The following ZCCHC17 variants were observed in gnomAD, a reference collection of about 807,000 sequenced individuals.
ZCCHC17 encodes zinc finger CCHC-type containing 17.
A neutral mutation model predicts 30.6 loss-of-function variants in ZCCHC17; 18 were observed. The observed-to-expected ratio is 0.59, with a 90% CI of 0.41 to 0.87. The LOEUF is 0.87. Ranked by LOEUF, ZCCHC17 falls within the 40% of genes least tolerant of loss-of-function variation. The pLI is 0.00. For synonymous variants in ZCCHC17, 88 were observed against 92.4 expected (o/e 0.95, Z 0.27); for missense variants, 263 against 284.2 (o/e 0.93, Z 0.54).
chr1:31,319,144 A>G lies in ZCCHC17; in HGVS notation c.102A>G (p.Lys34=). 1 of 1,610,128 alleles carries G rather than the reference A, an allele frequency of 6.2e-7. No individual in the cohort carries two copies. ...TGACAGACTATGGGGCCTTTATCAA[A>G]ATCCCAGGCTGTCGGAAGCAAGGTA... is the stretch of plus-strand genomic sequence containing the variant. The part of the protein sequence containing the change: ...AMVTDYGAFI[K]IPGCRKQGLV... Residue 34 remains lysine (K), a synonymous_variant, in exon 3 of 8, where the codon AAA becomes AAG. Transcript: ENST00000344147.
chr1:31,307,824 C>T (rs1187588158), intron 1 of ZCCHC17, among the ~76,000 whole-genome samples: 2 of 152,048 alleles, frequency 1.3e-5, no homozygotes, highest in African/African-American at 2.4e-5. Context: ...ATCCACCCGC[C>T]TTGGCCTCCC....
chr1:31,353,340 A>G (rs1639535395), intron 7 of ZCCHC17, among the ~76,000 whole-genome samples: 1 of 152,054 alleles, frequency 6.6e-6, no homozygotes, highest in African/African-American at 2.4e-5. Flanking sequence ...TACTCTGTTG[A>G]TAGTGTCCCT....
chr1:31,345,332 A>C (rs1229338492), intron 5 of ZCCHC17, among the ~76,000 whole-genome samples: 3 of 150,340 alleles, frequency 2.0e-5, no homozygotes, highest in Non-Finnish European at 4.4e-5. Context: ...AATTTTTTGT[A>C]TTTTTAGTAG....
intron 7 of ZCCHC17, among the ~76,000 whole-genome samples, chr1:31,349,730 T>C (rs1379920539): frequency 6.6e-6 from 1 of 152,262 alleles, no homozygotes; most frequent in African/African-American, 2.4e-5. Flanking sequence ...TACCTTTTTT[T>C]CATTTCACTT....
chr1:31,324,088 T>C (rs1236920922), intron 3 of ZCCHC17, among the ~76,000 whole-genome samples: 1 of 152,234 alleles, frequency 6.6e-6, no homozygotes, highest in African/African-American at 2.4e-5. Context: ...TAAAACATCA[T>C]TGATTATGAG....
intron 7 of ZCCHC17, among the ~76,000 whole-genome samples, chr1:31,357,929 A>G (rs753356131): frequency 1.5e-4 from 23 of 152,048 alleles, no homozygotes; most frequent in Non-Finnish European, 2.5e-4. Context: ...CTGATTTTCT[A>G]TTTTTAGTAG....
chr1:31,310,809 A>C (rs1448657056), intron 2 of ZCCHC17, among the ~76,000 whole-genome samples: 1 of 152,234 alleles, frequency 6.6e-6, no homozygotes, highest in Non-Finnish European at 1.5e-5. Flanking sequence ...CACCTCAACA[A>C]ATAGAACCAC....
intron 3 of ZCCHC17, among the ~76,000 whole-genome samples, chr1:31,335,560 T>G (rs890509586): frequency 2.0e-5 from 3 of 152,130 alleles, no homozygotes; most frequent in Non-Finnish European, 4.4e-5. Context: ...GTAATTTTTC[T>G]AGAGATGGGG....
chr1:31,319,561 TATATA>T (rs747753406), intron 3 of ZCCHC17, among the ~76,000 whole-genome samples: 14 of 152,226 alleles, frequency 9.2e-5, no homozygotes, highest in African/African-American at 1.7e-4. Context: ...GATACAAACA[TATATA>T]ATATATATAA....
chr1:31,346,573 C>A, intron 5 of ZCCHC17, 67 bp from the exon 6 acceptor site: 4 of 1,499,740 alleles, frequency 2.7e-6, no homozygotes, highest in Non-Finnish European at 3.6e-6. Flanking sequence ...AACATACAAC[C>A]TTACCTTGTA....
At chr1:31,317,013 T>A (rs1311224361) in intron 2 of ZCCHC17, among the ~76,000 whole-genome samples, 3 of 148,466 alleles carry the variant, frequency 2.0e-5, no homozygotes, top group Non-Finnish European at 4.4e-5. Context: ...GTTCTATCCC[T>A]AACTTTTTTT....
chr1:31,345,496 T>A (rs993607950), intron 5 of ZCCHC17, among the ~76,000 whole-genome samples: 1 of 82,578 alleles, frequency 1.2e-5, no homozygotes, highest in African/African-American at 4.7e-5. Context: ...GTTACTTTGG[T>A]ATGTTCAAAT....
In ZCCHC17 at chr1:31,319,073, G is replaced by A. The variant is rs757951390; in HGVS notation, c.67-36G>A. ...AATGCTACAGAAGAAAGATTCTCAT[G>A]TATGTGACATTGATTTTTTTCCCCC... On this transcript the variant is annotated intron_variant, in intron 2 of 7. Coordinates refer to ENST00000344147, the MANE Select transcript of ZCCHC17 (RefSeq NM_016505.4). 63 of 1,593,652 alleles carry A rather than the reference G, an allele frequency of 4.0e-5. No individual in the cohort carries two copies. The Admixed American group carries it at 1.1e-3, about 27-fold the overall frequency.
At chr1:31,302,816 CTG>C (rs1344540665) in intron 1 of ZCCHC17, among the ~76,000 whole-genome samples, 1 of 152,070 alleles carries the variant, frequency 6.6e-6, no homozygotes, top group Non-Finnish European at 1.5e-5. Flanking sequence ...CGTGAAAACT[CTG>C]TCACTATCAT....
At chr1:31,341,290 G>A (rs908787369) in intron 5 of ZCCHC17, among the ~76,000 whole-genome samples, 2 of 152,146 alleles carry the variant, frequency 1.3e-5, no homozygotes, top group Non-Finnish European at 2.9e-5. Flanking sequence ...GTTTAAATCT[G>A]GCTGTGGTTC....
At chr1:31,320,116 C>T (rs941422018) in intron 3 of ZCCHC17, among the ~76,000 whole-genome samples, 14 of 152,094 alleles carry the variant, frequency 9.2e-5, no homozygotes, top group African/African-American at 2.2e-4. Context: ...ACTCATTCTC[C>T]GTATGACTAA....
intron 7 of ZCCHC17, among the ~76,000 whole-genome samples, chr1:31,357,244 A>G (rs943200626): frequency 6.6e-6 from 1 of 152,206 alleles, no homozygotes; most frequent in African/African-American, 2.4e-5. Flanking sequence ...TGGTGCCTAT[A>G]TAGAGAAAGG....
chr1:31,307,412 CTTT>C (rs1183496022), intron 1 of ZCCHC17, among the ~76,000 whole-genome samples: 1 of 141,674 alleles, frequency 7.1e-6, no homozygotes. Flanking sequence ...CTGCTTTAGA[CTTT>C]TTTTTTTTTT....
Position 31,341,191 on chromosome 1 carries a change from C to T in ZCCHC17, c.317+2143C>T, listed in dbSNP as rs113014095. 3.2e-3 allele frequency among the ~76,000 whole-genome samples: 481 copies of T among 152,276 alleles called. 4 individuals carry two copies. Among genetic ancestry groups the T allele is most frequent in the Non-Finnish European group, 5.8e-3 (394 of 68,026 alleles). On this transcript the variant is annotated intron_variant, in intron 5 of 7. Coordinates refer to ENST00000344147, the MANE Select transcript of ZCCHC17 (RefSeq NM_016505.4). ...ACTTTTCATATTTCTGTGGTTTAGT[C>T]TCTAAATATTAACATGTTTGTAAGG...
Sources: gnomAD v4.1 joint callset for allele counts (sites outside exome capture counted in the v4.1 genomes callset) on GRCh38, gnomAD v4.1.1 for gene constraint, MANE v1.5 for transcripts, NCBI Gene and HGNC (gene_info 2026-07-23, HGNC 2026-07-21) for gene names.